Variants in EIF4B observed in about 807,000 individuals in gnomAD.
EIF4B encodes eukaryotic translation initiation factor 4B.
Under a neutral mutation model 79.3 loss-of-function variants are expected in EIF4B, and 8 were observed. The ratio of observed to expected loss-of-function variants is 0.10; its 90% CI spans 0.06 to 0.18. The LOEUF is 0.18. Among genes scored for constraint, EIF4B ranks in the 10% least tolerant of loss-of-function variants. EIF4B has a pLI of 1.00. For synonymous variants in EIF4B, 238 were observed against 274.7 expected, an observed-to-expected ratio of 0.87 and a Z score of 1.32; for missense variants, 515 against 792.4, an observed-to-expected ratio of 0.65 and a Z score of 4.20.
chr12:53,039,903 C>T, intron 14 of EIF4B: 1 of 757,238 alleles, frequency 1.3e-6, no homozygotes, highest in African/African-American at 1.7e-5. Context: ...TTCCTGGTTT[C>T]TGTCTTCCTT....
In EIF4B at chr12:53,016,536, G is replaced by A. The variant is rs757056438; in HGVS notation, c.77G>A (p.Gly26Asp). ...ACAGACTTTCTGGCTGAGGATGGGG[G>A]TACTGGTGGAGGAAGCACCTATGTT... ...SLTDFLAEDG[G>D]TGGGSTYVSK... Residue 26 changes from glycine to aspartate, a missense_variant, in exon 2 of 15, where the codon GGT becomes GAT. Gly to Asp is a moderately conservative substitution (Grantham distance 94). Transcript: ENST00000262056. The A allele has an allele frequency of 1.2e-6, 2 of 1,613,460 alleles. No individual in the cohort carries two copies. The highest frequency in any genetic ancestry group is 1.7e-6 in the Non-Finnish European group (2 of 1,179,906).
intron 8 of EIF4B, among the ~76,000 whole-genome samples, chr12:53,030,737 C>T (rs983205420): frequency 2.0e-5 from 3 of 152,074 alleles, no homozygotes; most frequent in Admixed American, 2.0e-4. Context: ...AAAGCGATTT[C>T]CTCAAGCAAG....
chr12:53,013,821 A>G (rs961539976), intron 1 of EIF4B: 2 of 152,030 alleles, frequency 1.3e-5, no homozygotes, highest in African/African-American at 4.8e-5. Context: ...AGCTGCAGCA[A>G]TAAAAGTGCT....
chr12:53,029,258 C>T (rs1943392824), intron 8 of EIF4B, among the ~76,000 whole-genome samples: 2 of 151,912 alleles, frequency 1.3e-5, no homozygotes, highest in African/African-American at 4.8e-5. Context: ...AACTGTGTTA[C>T]AAATCTAACC....
intron 10 of EIF4B, among the ~76,000 whole-genome samples, chr12:53,036,726 G>A (rs149801106): frequency 2.5e-4 from 38 of 151,786 alleles, no homozygotes; most frequent in African/African-American, 8.9e-4. Flanking sequence ...AAAAACGCAC[G>A]TGTAGGTTGT....
At chr12:53,024,577 A>G (rs1192151071) in intron 6 of EIF4B, among the ~76,000 whole-genome samples, 1 of 152,242 alleles carries the variant, frequency 6.6e-6, no homozygotes, top group Non-Finnish European at 1.5e-5. Context: ...AGTTTGTTAT[A>G]ATGGTGTCTT....
At chr12:53,025,766 A>T (rs1943322568) in intron 6 of EIF4B, among the ~76,000 whole-genome samples, 1 of 152,174 alleles carries the variant, frequency 6.6e-6, no homozygotes, top group Non-Finnish European at 1.5e-5. Context: ...AGTAAAAATT[A>T]TGTGGTTTCC....
At chr12:53,022,716 A>T (rs1455040545) in intron 6 of EIF4B, 89 bp downstream of exon 6, 1 of 1,436,318 alleles carries the variant, frequency 7.0e-7, no homozygotes, top group Non-Finnish European at 9.2e-7. Flanking sequence ...ATCAGATCAC[A>T]TTAACAGATA....
chr12:53,011,840 TGGG>T (rs1943069674), intron 1 of EIF4B, among the ~76,000 whole-genome samples: 1 of 152,180 alleles, frequency 6.6e-6, no homozygotes, highest in Non-Finnish European at 1.5e-5. Flanking sequence ...TATAAATAAT[TGGG>T]ACAGGTTTTG....
In EIF4B at chr12:53,039,656, C is replaced by T. The variant is rs770481782; in HGVS notation, c.1709C>T (p.Ser570Phe). The change falls in exon 14 of 15, where the codon TCC (serine) becomes TTC (phenylalanine). Residue 570 changes from serine (S) to phenylalanine (F), a missense_variant. Physicochemically the swap from Ser to Phe is radical, Grantham distance 155. Coordinates refer to ENST00000262056, the MANE Select transcript of EIF4B (RefSeq NM_001417.7). ...DRKDGKKDQD[S>F]RSAPEPKKPE... ...AAAGATGGCAAAAAGGATCAAGACT[C>T]CAGATCTGCACCTGAGCCAAAGAAA... 4 of 1,613,806 alleles carry T rather than the reference C, an allele frequency of 2.5e-6. No homozygotes were observed. Among genetic ancestry groups the T allele is most frequent in the Non-Finnish European group, 3.4e-6 (4 of 1,179,822 alleles).
At chr12:53,032,430 CAAA>C (rs1263272890) in intron 8 of EIF4B, among the ~76,000 whole-genome samples, 2 of 151,508 alleles carry the variant, frequency 1.3e-5, no homozygotes, top group Admixed American at 6.6e-5. Flanking sequence ...GAGACTGTCT[CAAA>C]AAAAATAAAG....
rs529400840 is a variant in EIF4B, at chr12:53,034,752, A to G, written c.1306+43A>G. ...GGGTATCGTGTTATTGCCGTTTTCC[A>G]TAAACTATCCATAACCAAATTATGC... On this transcript the variant is annotated intron_variant, in intron 10 of 14. Transcript: ENST00000262056. 10 of 1,609,934 alleles carry G rather than the reference A, an allele frequency of 6.2e-6. No individual in the cohort carries two copies. The African/African-American group carries it at 9.3e-5, about 15-fold the overall frequency.
In EIF4B at chr12:53,037,960, A is replaced by G. The variant is rs191448380; in HGVS notation, c.1520+338A>G. 2,930 of 317,808 alleles carry G rather than the reference A, an allele frequency of 9.2e-3. 186 individuals are homozygous for G. The Admixed American group carries it at 0.12, about 13-fold the overall frequency. 19.7% of individuals were successfully genotyped at this position (317,808 alleles called of 1,614,324 possible). Reference sequence around the variant, plus strand: ...TCTTAAGTCTTCTCATTTGTAAGCAAAATAGCAACACTATTAGCCTGGCGT... The same window carrying G: ...TCTTAAGTCTTCTCATTTGTAAGCAGAATAGCAACACTATTAGCCTGGCGT... On this transcript the variant is annotated intron_variant, in intron 11 of 14. Coordinates refer to ENST00000262056, the MANE Select transcript of EIF4B (RefSeq NM_001417.7).
chr12:53,007,347 T>C (rs1337092549), intron 1 of EIF4B, among the ~76,000 whole-genome samples: 3 of 151,840 alleles, frequency 2.0e-5, no homozygotes, highest in Non-Finnish European at 4.4e-5. Flanking sequence ...CGCAGCTATA[T>C]GCCAGGATCA....
intron 12 of EIF4B, 96 bp downstream of exon 12, chr12:53,038,507 G>GA: frequency 8.0e-7 from 1 of 1,252,924 alleles, no homozygotes; most frequent in Non-Finnish European, 1.1e-6. Flanking sequence ...TCTCGCACCT[G>GA]ATACCGTGTT....
At chr12:53,036,207 G>A (rs991400582) in intron 10 of EIF4B, among the ~76,000 whole-genome samples, 1 of 151,958 alleles carries the variant, frequency 6.6e-6, no homozygotes, top group African/African-American at 2.4e-5. Context: ...CTGCCTCCCG[G>A]GTTCAAGTGA....
chr12:53,007,009 G>C (rs1306948527), intron 1 of EIF4B, among the ~76,000 whole-genome samples: 3 of 152,084 alleles, frequency 2.0e-5, no homozygotes, highest in African/African-American at 7.2e-5. Flanking sequence ...GGAAGGCAGC[G>C]GTGCGCGTGC....
intron 6 of EIF4B, among the ~76,000 whole-genome samples, chr12:53,023,553 T>C (rs1386795637): frequency 6.7e-6 from 1 of 148,534 alleles, no homozygotes; most frequent in Non-Finnish European, 1.5e-5. Context: ...TACTATATGC[T>C]TGTAGCAAAC....
intron 13 of EIF4B, 67 bp from the exon 14 acceptor site, chr12:53,039,563 G>T: frequency 6.4e-7 from 1 of 1,567,694 alleles, no homozygotes; most frequent in Non-Finnish European, 8.7e-7. Context: ...GAAACTGCAT[G>T]CATACACATG....
Sources: allele counts gnomAD v4.1 joint callset (sites outside exome capture counted in the v4.1 genomes callset), GRCh38; gene constraint gnomAD v4.1.1; transcripts MANE v1.5; gene names NCBI Gene and HGNC (gene_info 2026-07-23, HGNC 2026-07-21).